The following MGARP variants were observed in gnomAD, a reference collection of about 807,000 sequenced individuals.
The protein encoded by MGARP is protein MGARP.
In MGARP, 12 loss-of-function variants were observed where a neutral mutation model predicts 11.0. That is an observed-to-expected ratio of 1.09 (90% CI 0.70 to 1.77). The LOEUF (loss-of-function observed/expected upper bound fraction) is 1.77. Among genes scored for constraint, MGARP ranks in the 40% most tolerant of loss-of-function variants. The pLI is 0.00. For synonymous variants in MGARP, 110 were observed against 115.4 expected (o/e 0.95, Z 0.30); for missense variants, 283 against 297.8 (o/e 0.95, Z 0.36).
intron 1 of MGARP, among the ~76,000 whole-genome samples, chr4:139,276,478 C>A (rs1744875803): frequency 6.6e-6 from 1 of 152,044 alleles, no homozygotes; most frequent in Non-Finnish European, 1.5e-5. Context: ...GCACTGGAGG[C>A]AGAAGGTGTA....
chr4:139,275,219 T>C (rs1744847463), intron 2 of MGARP, 70 bp downstream of exon 2: 2 of 1,238,986 alleles, frequency 1.6e-6, no homozygotes. Context: ...GATCTTGACG[T>C]TGCTTTGAGC....
Position 139,266,826 on chromosome 4 carries a change from TCGCCG to T in MGARP, c.491_495del (p.Ala164GlufsTer9), listed in dbSNP as rs544624566. 221 of 1,614,184 alleles carry T rather than the reference TCGCCG, an allele frequency of 1.4e-4. No individual in the cohort carries two copies. The Admixed American group carries it at 3.5e-3, about 26-fold the overall frequency. On this transcript the variant is annotated frameshift_variant, in exon 4 of 4. Coordinates refer to ENST00000398955, the MANE Select transcript of MGARP (RefSeq NM_032623.4). LOFTEE classifies it low-confidence loss of function (END_TRUNC). ...TCAGGGTTTACTTCCGTGGTTTCCCTCGCCGCTGCATCTGTGACCTCTGGCCCGGT... is the reference window on the plus strand; with the variant it reads ...TCAGGGTTTACTTCCGTGGTTTCCCTCTGCATCTGTGACCTCTGGCCCGGT...
intron 1 of MGARP, 43 bp from the exon 2 acceptor site, chr4:139,275,435 G>A: frequency 6.8e-7 from 1 of 1,469,970 alleles, no homozygotes; most frequent in South Asian, 1.2e-5. Context: ...CACTAGTTGA[G>A]CAAAACTATT....
intron 3 of MGARP, among the ~76,000 whole-genome samples, chr4:139,267,391 C>T (rs1017666627): frequency 2.6e-5 from 4 of 152,082 alleles, no homozygotes; most frequent in Non-Finnish European, 5.9e-5. Context: ...AAAAAACACA[C>T]TTGAATATAT....
chr4:139,273,662 C>T (rs1232750428), intron 2 of MGARP, among the ~76,000 whole-genome samples: 1 of 151,898 alleles, frequency 6.6e-6, no homozygotes, highest in Non-Finnish European at 1.5e-5. Flanking sequence ...TTACAGGCAC[C>T]TGCCACCATG....
rs763972370 is a variant in MGARP at position 139,266,626 on chromosome 4, G to T, written c.696C>A (p.Gly232=). Residue 232 remains glycine, a synonymous_variant, in exon 4 of 4, where the codon GGC becomes GGA. Coordinates refer to ENST00000398955, the MANE Select transcript of MGARP (RefSeq NM_032623.4). ...GDDLQEEASV[G]SEAASAQG is the part of the protein sequence containing the mutation. ...AGCCTTGAGCCGAAGCAGCCTCAGA[G>T]CCAACACTGGCTTCCTCCTGTAAAT... is the stretch of plus-strand genomic sequence containing the variant. The T allele has an allele frequency of 1.9e-6, 3 of 1,613,608 alleles. No homozygotes were observed. In the Admixed American group the frequency reaches 5.0e-5, roughly 27 times the overall value.
rs376358854 is a variant in MGARP at position 139,275,349 on chromosome 4, A to G, written c.126T>C (p.Ser42=). 2.8e-5 allele frequency: 45 copies of G among 1,614,020 alleles called. No homozygotes were observed. Among genetic ancestry groups the G allele is most frequent in the Middle Eastern group, 1.6e-4 (1 of 6,082 alleles). Reference sequence around the variant, plus strand: ...CCAGATAATAAATCATATTTGATCCAGATGATCCAGGGAATCTGTTAGATG... The same window carrying G: ...CCAGATAATAAATCATATTTGATCCGGATGATCCAGGGAATCTGTTAGATG... The part of the protein sequence containing the change: ...RMSSNRFPGS[S]GSNMIYYLVV... The change falls in exon 2 of 4, where the codon TCT becomes TCC. Residue 42 remains serine, a synonymous_variant. Transcript: ENST00000398955.
chr4:139,266,860 A>T lies in MGARP; in HGVS notation c.462T>A (p.Ala154=). ...CATCTGTGACCTCTGGCCCGGTTTC[A>T]GCACTGACTGCTGTGGTCTCCGGAG... The part of the protein sequence containing the change: ...EAAPETTAVS[A]ETGPEVTDAA... Residue 154 remains alanine (A), a synonymous_variant, in exon 4 of 4, where the codon GCT becomes GCA. Transcript: ENST00000398955. 1 of 1,614,136 alleles carries T rather than the reference A, an allele frequency of 6.2e-7. No homozygotes were observed. Among genetic ancestry groups the T allele is most frequent in the South Asian group, 1.1e-5 (1 of 91,086 alleles).
intron 2 of MGARP, among the ~76,000 whole-genome samples, chr4:139,274,611 G>T (rs989824843): frequency 2.6e-5 from 4 of 151,874 alleles, no homozygotes; most frequent in Admixed American, 2.6e-4. Context: ...AGCCTCCCAA[G>T]TAGCTGGGAT....
At chr4:139,276,836 C>CA (rs1744882141) in intron 1 of MGARP, among the ~76,000 whole-genome samples, 1 of 151,688 alleles carries the variant, frequency 6.6e-6, no homozygotes, top group South Asian at 2.1e-4. Context: ...GGTTCTGTTC[C>CA]AAAAAAATAA....
At chr4:139,277,592 A>C (rs1251231071) in intron 1 of MGARP, among the ~76,000 whole-genome samples, 2 of 152,242 alleles carry the variant, frequency 1.3e-5, no homozygotes, top group African/African-American at 4.8e-5. Flanking sequence ...TGAAATGAGA[A>C]ATTTTTCAAT....
intron 2 of MGARP, among the ~76,000 whole-genome samples, chr4:139,271,248 G>A (rs754655814): frequency 6.6e-6 from 1 of 152,066 alleles, no homozygotes; most frequent in African/African-American, 2.4e-5. Context: ...AGACCAGGCC[G>A]GGCATGGTGG....
At chr4:139,268,606 A>G in intron 3 of MGARP, 66 bp downstream of exon 3, 1 of 1,119,338 alleles carries the variant, frequency 8.9e-7, no homozygotes, top group Non-Finnish European at 1.3e-6. Flanking sequence ...TCATTGCTAG[A>G]CTAAGTGGAT....
chr4:139,277,794 AG>A (rs1255128463), intron 1 of MGARP, among the ~76,000 whole-genome samples: 2 of 152,218 alleles, frequency 1.3e-5, no homozygotes, highest in African/African-American at 4.8e-5. Context: ...GGGAAAAAAA[AG>A]GTCTGGAAAA....
chr4:139,271,510 G>A (rs1579047690), intron 2 of MGARP, among the ~76,000 whole-genome samples: 1 of 152,132 alleles, frequency 6.6e-6, no homozygotes, highest in Non-Finnish European at 1.5e-5. Context: ...TGGGGGACAA[G>A]AGATACCCAG....
rs751695236 is a variant in MGARP at position 139,270,608 on chromosome 4, GA to G, written c.187-1844del. Among the ~76,000 whole-genome samples the G allele has an allele frequency of 9.2e-3, 816 of 89,056 alleles. 5 individuals are homozygous for G. The highest frequency in any genetic ancestry group is 0.029 in the African/African-American group (678 of 23,778). The allele number at this position is 89,056 out of a possible 152,430, so 58.4% of individuals were successfully genotyped here. On this transcript the variant is annotated intron_variant, in intron 2 of 3. Transcript: ENST00000398955. ...TGGGCGACAGAGCGAGACCGCGTCT[GA>G]AAAAAAAAAAAAAAAAAAGAAAAGA...
In MGARP at chr4:139,266,599, T is replaced by C. The variant is rs1281207563; in HGVS notation, c.723A>G (p.Ter241=). Residue 241 remains the stop codon, a stop_retained_variant, in exon 4 of 4, where the codon TAA becomes TAG. Transcript: ENST00000398955. ...VGSEAASAQG[*] Reference sequence around the variant, plus strand: ...TGCTGAAATGTCTACCGGCTGGAGATTAGCCTTGAGCCGAAGCAGCCTCAG... The same window carrying C: ...TGCTGAAATGTCTACCGGCTGGAGACTAGCCTTGAGCCGAAGCAGCCTCAG... The C allele has an allele frequency of 6.2e-7, 1 of 1,610,606 alleles. No homozygotes were observed. Among genetic ancestry groups the C allele is most frequent in the Admixed American group, 1.7e-5 (1 of 59,616 alleles).
chr4:139,274,210 T>G (rs577392253), intron 2 of MGARP, among the ~76,000 whole-genome samples: 49 of 152,296 alleles, frequency 3.2e-4, no homozygotes, highest in African/African-American at 1.0e-3. Context: ...CTATAATTTA[T>G]TCTGGATGAT....
rs3208941 is a variant in MGARP at position 139,266,940 on chromosome 4, C to T, written c.382G>A (p.Ala128Thr). 0.066 allele frequency: 105,781 copies of T among 1,614,146 alleles called. 3,867 individuals carry two copies. Among genetic ancestry groups the T allele is most frequent in the East Asian group, 0.084 (3,769 of 44,884 alleles). ...GCCTCTTTTATGACCACAACTGTAG[C>T]ACTGGGACTTTCTTCAGCATCTACC... ...EVVDAEESPS[A>T]TVVVIKEASA... is the part of the protein sequence containing the mutation. Residue 128 changes from alanine (A) to threonine (T), a missense_variant, in exon 4 of 4, where the codon GCT (alanine) becomes ACT (threonine). Transcript: ENST00000398955.
Sources: allele counts gnomAD v4.1 joint callset (sites outside exome capture counted in the v4.1 genomes callset), GRCh38; gene constraint gnomAD v4.1.1; transcripts MANE v1.5; gene names NCBI Gene and HGNC (gene_info 2026-07-23, HGNC 2026-07-21).